Variants in CEBPE observed in about 807,000 individuals in gnomAD.
The protein encoded by CEBPE is CCAAT/enhancer-binding protein epsilon.
A neutral mutation model predicts 20.4 loss-of-function variants in CEBPE; 10 were observed. The ratio of observed to expected loss-of-function variants is 0.49; its 90% CI spans 0.30 to 0.83. The LOEUF (loss-of-function observed/expected upper bound fraction) is 0.83, where lower values mean the gene tolerates loss of function less well. Ranked by LOEUF, CEBPE falls within the 40% of genes least tolerant of loss-of-function variation. The pLI, the probability that CEBPE is intolerant of heterozygous loss-of-function variation, is 0.06. For missense variants in CEBPE, 389 were observed against 383.3 expected (o/e 1.01, Z -0.12); for synonymous variants, 179 against 162.6 (o/e 1.10, Z -0.77).
Position 23,117,413 on chromosome 14 carries a change from G to T in CEBPE, c.*74C>A. 1 of 1,466,142 alleles carries T rather than the reference G, an allele frequency of 6.8e-7. No individual in the cohort carries two copies. The allele number at this position is 1,466,142 out of a possible 1,614,324, so 90.8% of individuals were successfully genotyped here. A position where few individuals can be genotyped will look rare whatever the true frequency, so the allele number is the denominator to read the frequency against. Reference sequence around the variant, plus strand: ...CATGGTCTATGTCTCAGGGTTCTAGGCCCCCAGCAGGATGGGGGTCCGCAG... The same window carrying T: ...CATGGTCTATGTCTCAGGGTTCTAGTCCCCCAGCAGGATGGGGGTCCGCAG... On this transcript the variant is annotated 3_prime_UTR_variant, in exon 2 of 2. Transcript: ENST00000206513.
rs2048525027 is a variant in CEBPE at position 23,119,035 on chromosome 14, C to T, written c.57G>A (p.Glu19=). ...CEPRGGQQPL[E]FSGGRAGPGE... is the part of the protein sequence containing the mutation. ...CGGGCCCAGCTCGGCCCCCTGAGAACTCGAGTGGCTGCTGGCCACCCCGGG... is the reference window on the plus strand; with the variant it reads ...CGGGCCCAGCTCGGCCCCCTGAGAATTCGAGTGGCTGCTGGCCACCCCGGG... Residue 19 remains glutamate, a synonymous_variant, in exon 1 of 2, where the codon GAG becomes GAA. Transcript: ENST00000206513. 3 of 1,612,640 alleles carry T rather than the reference C, an allele frequency of 1.9e-6. 1 individual carries two copies. In the South Asian group the frequency reaches 3.3e-5, roughly 18 times the overall value.
At position 23,117,776 on chromosome 14, in the gene CEBPE, G is replaced by A. The variant is rs2048516543; in HGVS notation, c.557C>T (p.Ala186Val). 2 of 1,612,078 alleles carry A rather than the reference G, an allele frequency of 1.2e-6. No homozygotes were observed. The highest frequency in any genetic ancestry group is 2.2e-5 in the South Asian group (2 of 91,080). Residue 186 changes from alanine (A) to valine (V), a missense_variant, in exon 2 of 2, where the codon GCG becomes GTG. Transcript: ENST00000206513. Reference protein sequence around the residue: ...AAPPCSPLLKAPSPAGPLHKG... With the variant: ...AAPPCSPLLKVPSPAGPLHKG... ...GTGTAAGGGGCCAGCCGGGGAGGGCGCCTTCAGGAGGGGACTGCAGGGGGG... is the reference window on the plus strand; with the variant it reads ...GTGTAAGGGGCCAGCCGGGGAGGGCACCTTCAGGAGGGGACTGCAGGGGGG...
In CEBPE at chr14:23,117,638, G is replaced by T. The variant is rs923787623; in HGVS notation, c.695C>A (p.Thr232Lys). 6.2e-7 allele frequency: 1 copy of T among 1,614,080 alleles called. No homozygotes were observed. Among genetic ancestry groups the T allele is most frequent in the Non-Finnish European group, 8.5e-7 (1 of 1,180,052 alleles). The change falls in exon 2 of 2, where the codon ACG (threonine) becomes AAG (lysine). Residue 232 changes from threonine to lysine, a missense_variant. Physicochemically the swap from Thr to Lys is moderately conservative, Grantham distance 78 (BLOSUM62 -1). Transcript: ENST00000206513. ...RDKAKRRILE[T>K]QQKVLEYMAE... ...CATGTACTCCAGCACCTTCTGCTGCGTCTCCAGAATGCGCCTCTTGGCCTT... is the reference window on the plus strand; with the variant it reads ...CATGTACTCCAGCACCTTCTGCTGCTTCTCCAGAATGCGCCTCTTGGCCTT...
rs1209857472 is a variant in CEBPE at position 23,118,519 on chromosome 14, G to A, written c.510+63C>T. On this transcript the variant is annotated intron_variant, in intron 1 of 1. Transcript: ENST00000206513. The surrounding 1 kb of genome is among the most constrained non-coding windows in gnomAD (Gnocchi z 5.5). ...CTCAGCAGCATGAGCCGGGGCACAG[G>A]GTCCTGTCCACACCAGCCTCTCCAG... 3.9e-6 allele frequency: 6 copies of A among 1,532,460 alleles called. No individual in the cohort carries two copies. The East Asian group carries it at 1.4e-4, about 36-fold the overall frequency. The allele number at this position is 1,532,460 out of a possible 1,614,324, so 94.9% of individuals were successfully genotyped here. A position where few individuals can be genotyped will look rare whatever the true frequency, so the allele number is the denominator to read the frequency against.
chr14:23,117,800 G>A lies in CEBPE; in HGVS notation c.533C>T (p.Pro178Leu). The A allele has an allele frequency of 8.1e-6, 13 of 1,607,008 alleles. No homozygotes were observed. Among genetic ancestry groups the A allele is most frequent in the Non-Finnish European group, 1.0e-5 (12 of 1,176,982 alleles). Residue 178 changes from proline (P) to leucine (L), a missense_variant, in exon 2 of 2, where the codon CCC becomes CTC. Physicochemically the swap from Pro to Leu is moderately conservative, Grantham distance 98. Around this residue, in one of 3 missense-constraint regions of CEBPE, gnomAD observed 294 missense variants for 279.7 expected, o/e 1.05. Transcript: ENST00000206513. Reference protein sequence around the residue: ...VLKAPLATAAPPCSPLLKAPS... With the variant: ...VLKAPLATAALPCSPLLKAPS... ...CGCCTTCAGGAGGGGACTGCAGGGG[G>A]GTGCGGCAGTGGCCAAAGGGGCCTG...
In CEBPE at chr14:23,119,038, G is replaced by C. The variant is rs752307075; in HGVS notation, c.54C>G (p.Leu18=). The part of the protein sequence containing the change: ...ECEPRGGQQP[L]EFSGGRAGPG... The stretch of plus-strand genomic sequence containing the variant: ...GCCCAGCTCGGCCCCCTGAGAACTC[G>C]AGTGGCTGCTGGCCACCCCGGGGCT... Residue 18 remains leucine, a synonymous_variant, in exon 1 of 2, where the codon CTC becomes CTG. Transcript: ENST00000206513. The C allele has an allele frequency of 6.2e-7, 1 of 1,612,278 alleles. No homozygotes were observed. Among genetic ancestry groups the C allele is most frequent in the Non-Finnish European group, 8.5e-7 (1 of 1,179,712 alleles).
rs1250058266 is a variant in CEBPE at position 23,118,564 on chromosome 14, G to A, written c.510+18C>T. 7 of 1,600,664 alleles carry A rather than the reference G, an allele frequency of 4.4e-6. No individual in the cohort carries two copies. The highest frequency in any genetic ancestry group is 1.3e-5 in the African/African-American group (1 of 74,830). ...CTCCAGCCCCGGGCAGGAGGGAGGA[G>A]GGCTGGCCTGCTCTTACCTTGAGAA... On this transcript the variant is annotated intron_variant, in intron 1 of 1. Transcript: ENST00000206513. This position sits in a 1 kb window ranked among gnomAD's most constrained non-coding sequence, Gnocchi z 5.5.
At position 23,117,402 on chromosome 14, in the gene CEBPE, C is replaced by G. The variant is rs1026384076; in HGVS notation, c.*85G>C. 1.2e-5 allele frequency: 17 copies of G among 1,423,422 alleles called. No homozygotes were observed. In the Admixed American group the frequency reaches 2.7e-4, roughly 23 times the overall value. 88.2% of individuals were successfully genotyped at this position (1,423,422 alleles called of 1,614,324 possible). A position where few individuals can be genotyped will look rare whatever the true frequency, so the allele number is the denominator to read the frequency against. Reference sequence around the variant, plus strand: ...TGCCATTTATCCATGGTCTATGTCTCAGGGTTCTAGGCCCCCAGCAGGATG... The same window carrying G: ...TGCCATTTATCCATGGTCTATGTCTGAGGGTTCTAGGCCCCCAGCAGGATG... On this transcript the variant is annotated 3_prime_UTR_variant, in exon 2 of 2. Coordinates refer to ENST00000206513, the MANE Select transcript of CEBPE (RefSeq NM_001805.4).
At position 23,118,591 on chromosome 14, in the gene CEBPE, G is replaced by A. The variant is rs746097846; in HGVS notation, c.501C>T (p.Arg167=). The change falls in exon 1 of 2, where the codon CGC becomes CGT. Residue 167 remains arginine, a synonymous_variant. Coordinates refer to ENST00000206513, the MANE Select transcript of CEBPE (RefSeq NM_001805.4). This position sits in a 1 kb window ranked among gnomAD's most constrained non-coding sequence, Gnocchi z 5.5. ...GCTGGCCTGCTCTTACCTTGAGAAC[G>A]CGCAGAGGCTGGCCGGGTGCTGCCA... is the stretch of plus-strand genomic sequence containing the variant. The part of the protein sequence containing the change: ...PTLAAPGQPL[R]VLKAPLATAA... 6.1e-5 allele frequency: 98 copies of A among 1,608,538 alleles called. No homozygotes were observed. The highest frequency in any genetic ancestry group is 5.0e-4 in the Middle Eastern group (3 of 6,060).
At position 23,119,184 on chromosome 14, in the gene CEBPE, T is replaced by A; in HGVS notation, c.-93A>T. On this transcript the variant is annotated 5_prime_UTR_variant, in exon 1 of 2. Transcript: ENST00000206513. ...GCCCTCTCTCTACCTCCTCCTGACCTGGGCCTGCCCTCTCTCGATCTTCTG... is the reference window on the plus strand; with the variant it reads ...GCCCTCTCTCTACCTCCTCCTGACCAGGGCCTGCCCTCTCTCGATCTTCTG... The A allele has an allele frequency of 1.2e-6, 1 of 840,420 alleles. No individual in the cohort carries two copies. The highest frequency in any genetic ancestry group is 1.9e-6 in the Non-Finnish European group (1 of 531,698). 52.1% of individuals were successfully genotyped at this position (840,420 alleles called of 1,614,324 possible).
rs987222721 is a variant in CEBPE at position 23,118,018 on chromosome 14, C to G, written c.511-196G>C. On this transcript the variant is annotated intron_variant, in intron 1 of 1. Coordinates refer to ENST00000206513, the MANE Select transcript of CEBPE (RefSeq NM_001805.4). The surrounding 1 kb of genome is among the most constrained non-coding windows in gnomAD (Gnocchi z 5.5). The stretch of plus-strand genomic sequence containing the variant: ...GATGGTGACCCAGATGCACAGGGTC[C>G]TCTGCTTGAGACCAAAACTCCCTTT... Among the ~76,000 whole-genome samples the G allele has an allele frequency of 2.0e-5, 3 of 152,066 alleles. No homozygotes were observed. The highest frequency in any genetic ancestry group is 3.2e-3 in the Middle Eastern group (1 of 316).
rs899230959 is a variant in CEBPE at position 23,117,392 on chromosome 14, G to T, written c.*95C>A. On this transcript the variant is annotated 3_prime_UTR_variant, in exon 2 of 2. Coordinates refer to ENST00000206513, the MANE Select transcript of CEBPE (RefSeq NM_001805.4). Reference sequence around the variant, plus strand: ...CCACCCCGGTTGCCATTTATCCATGGTCTATGTCTCAGGGTTCTAGGCCCC... The same window carrying T: ...CCACCCCGGTTGCCATTTATCCATGTTCTATGTCTCAGGGTTCTAGGCCCC... 1.5e-6 allele frequency: 2 copies of T among 1,330,196 alleles called. No homozygotes were observed. Among genetic ancestry groups the T allele is most frequent in the Non-Finnish European group, 2.1e-6 (2 of 957,196 alleles). The allele number at this position is 1,330,196 out of a possible 1,614,324, so 82.4% of individuals were successfully genotyped here.
At position 23,119,054 on chromosome 14, in the gene CEBPE, C is replaced by A. The variant is rs779313226; in HGVS notation, c.38G>T (p.Gly13Val). ...HGTYYECEPRGGQQPLEFSGG... is the reference protein window; with the variant it reads ...HGTYYECEPRVGQQPLEFSGG... ...TGAGAACTCGAGTGGCTGCTGGCCA[C>A]CCCGGGGCTCACACTCGTAGTAGGT... The change falls in exon 1 of 2, where the codon GGT (glycine) becomes GTT (valine). Residue 13 changes from glycine (G) to valine (V), a missense_variant. Gly to Val is a moderately radical substitution (Grantham distance 109). Coordinates refer to ENST00000206513, the MANE Select transcript of CEBPE (RefSeq NM_001805.4). 4 of 1,610,502 alleles carry A rather than the reference C, an allele frequency of 2.5e-6. No individual in the cohort carries two copies. In the African/African-American group the frequency reaches 5.3e-5, roughly 22 times the overall value.
chr14:23,117,341 C>A lies in CEBPE; in HGVS notation c.*146G>T. 1.3e-6 allele frequency: 1 copy of A among 764,238 alleles called. No homozygotes were observed. The highest frequency in any genetic ancestry group is 2.2e-6 in the Non-Finnish European group (1 of 458,940). 47.3% of individuals were successfully genotyped at this position (764,238 alleles called of 1,614,324 possible). A position where few individuals can be genotyped will look rare whatever the true frequency, so the allele number is the denominator to read the frequency against. On this transcript the variant is annotated 3_prime_UTR_variant, in exon 2 of 2. Coordinates refer to ENST00000206513, the MANE Select transcript of CEBPE (RefSeq NM_001805.4). Reference sequence around the variant, plus strand: ...GTGCAACTTTATTCAGCCATATAATCATTATGCTGGGTCCTGCCCTCTTTG... The same window carrying A: ...GTGCAACTTTATTCAGCCATATAATAATTATGCTGGGTCCTGCCCTCTTTG...
Position 23,118,509 on chromosome 14 carries a change from C to CG in CEBPE, c.510+72dup, listed in dbSNP as rs1244412293. The CG allele has an allele frequency of 2.6e-6, 4 of 1,511,176 alleles. No individual in the cohort carries two copies. Among genetic ancestry groups the CG allele is most frequent in the Non-Finnish European group, 8.9e-7 (1 of 1,129,344 alleles). The allele number at this position is 1,511,176 out of a possible 1,614,324, so 93.6% of individuals were successfully genotyped here. On this transcript the variant is annotated intron_variant, in intron 1 of 1. Transcript: ENST00000206513. The surrounding 1 kb of genome is among the most constrained non-coding windows in gnomAD (Gnocchi z 5.5). ...CAAGCACAGGCTCAGCAGCATGAGCCGGGGCACAGGGTCCTGTCCACACCA... is the reference window on the plus strand; with the variant it reads ...CAAGCACAGGCTCAGCAGCATGAGCCGGGGGCACAGGGTCCTGTCCACACCA...
rs370664301 is a variant in CEBPE at position 23,119,200 on chromosome 14, C to T, written c.-109G>A. 8.9e-5 allele frequency: 66 copies of T among 743,000 alleles called. No individual in the cohort carries two copies. The highest frequency in any genetic ancestry group is 6.7e-4 in the East Asian group (25 of 37,330). The allele number at this position is 743,000 out of a possible 1,614,324, so 46.0% of individuals were successfully genotyped here. A position where few individuals can be genotyped will look rare whatever the true frequency, so the allele number is the denominator to read the frequency against. ...CTCCTGACCTGGGCCTGCCCTCTCT[C>T]GATCTTCTGCCCTAGACCTGCCCTC... On this transcript the variant is annotated 5_prime_UTR_variant, in exon 1 of 2. Transcript: ENST00000206513.
rs61737804 is a variant in CEBPE at position 23,118,718 on chromosome 14, C to T, written c.374G>A (p.Arg125Gln). 101 of 1,613,404 alleles carry T rather than the reference C, an allele frequency of 6.3e-5. 1 individual carries two copies. The highest frequency in any genetic ancestry group is 5.5e-4 in the African/African-American group (41 of 75,034). ...PRAVAVKEEP[R>Q]GPEGSRAASR... Reference sequence around the variant, plus strand: ...GGCAGCTCGGCTGCCCTCTGGCCCCCGGGGCTCCTCCTTCACCGCCACAGC... The same window carrying T: ...GGCAGCTCGGCTGCCCTCTGGCCCCTGGGGCTCCTCCTTCACCGCCACAGC... The change falls in exon 1 of 2, where the codon CGG (arginine) becomes CAG (glutamine). Residue 125 changes from arginine to glutamine, a missense_variant. Physicochemically the swap from Arg to Gln is conservative, Grantham distance 43. Transcript: ENST00000206513. The surrounding 1 kb of genome is among the most constrained non-coding windows in gnomAD (Gnocchi z 5.5).
chr14:23,119,203 T>TC lies in CEBPE; in HGVS notation c.-113dup. On this transcript the variant is annotated 5_prime_UTR_variant, in exon 1 of 2. Transcript: ENST00000206513. ...CTGACCTGGGCCTGCCCTCTCTCGA[T>TC]CTTCTGCCCTAGACCTGCCCTCTGC... The TC allele has an allele frequency of 1.4e-6, 1 of 731,038 alleles. No individual in the cohort carries two copies. Among genetic ancestry groups the TC allele is most frequent in the Admixed American group, 2.3e-5 (1 of 43,614 alleles). The allele number at this position is 731,038 out of a possible 1,614,324, so 45.3% of individuals were successfully genotyped here.
At position 23,118,790 on chromosome 14, in the gene CEBPE, G is replaced by T; in HGVS notation, c.302C>A (p.Ala101Glu). ...PPHTFGPDRK[A>E]LGPGIYSSPG... Reference sequence around the variant, plus strand: ...GCTGCTGTAGATGCCAGGCCCCAGCGCCTTCCTGTCTGGGCCGAAGGTATG... The same window carrying T: ...GCTGCTGTAGATGCCAGGCCCCAGCTCCTTCCTGTCTGGGCCGAAGGTATG... The change falls in exon 1 of 2, where the codon GCG (alanine) becomes GAG (glutamate). Residue 101 changes from alanine to glutamate, a missense_variant. Physicochemically the swap from Ala to Glu is moderately radical, Grantham distance 107. This residue lies in a region of CEBPE where 294 missense variants were observed against 279.7 expected (regional missense o/e 1.05). Coordinates refer to ENST00000206513, the MANE Select transcript of CEBPE (RefSeq NM_001805.4). This position sits in a 1 kb window ranked among gnomAD's most constrained non-coding sequence, Gnocchi z 5.5. 6.2e-7 allele frequency: 1 copy of T among 1,612,902 alleles called. No individual in the cohort carries two copies. The highest frequency in any genetic ancestry group is 1.1e-5 in the South Asian group (1 of 91,030).
Sources: gnomAD v4.1 joint callset for allele counts (sites outside exome capture counted in the v4.1 genomes callset) on GRCh38, gnomAD v4.1.1 for gene constraint, gnomAD v4.1.1 regional missense constraint, Gnocchi (gnomAD v3.1) non-coding constraint, MANE v1.5 for transcripts, NCBI Gene and HGNC (gene_info 2026-07-23, HGNC 2026-07-21) for gene names.